TRPC4: variants seen among roughly 807,000 people sequenced by gnomAD.
The protein encoded by TRPC4 is short transient receptor potential channel 4.
Under a neutral mutation model 99.4 loss-of-function variants are expected in TRPC4, and 49 were observed. That is an observed-to-expected ratio of 0.49 (90% CI 0.39 to 0.63). TRPC4 has a LOEUF of 0.63. TRPC4 is among the 20% of genes least tolerant of loss of function. The pLI is 0.00. For synonymous variants in TRPC4, 454 were observed against 425.9 expected, an observed-to-expected ratio of 1.07 and a Z score of -0.81; for missense variants, 898 against 1,152.9, an observed-to-expected ratio of 0.78 and a Z score of 3.20.
At position 37,783,013 on chromosome 13, in the gene TRPC4, T is replaced by G; in HGVS notation, c.321A>C (p.Glu107Asp). 3 of 1,609,100 alleles carry G rather than the reference T, an allele frequency of 1.9e-6. No homozygotes were observed. Among genetic ancestry groups the G allele is most frequent in the Non-Finnish European group, 2.5e-6 (3 of 1,177,810 alleles). The change falls in exon 2 of 11, where the codon GAA (glutamate) becomes GAC (aspartate). Residue 107 changes from glutamate (E) to aspartate (D), a missense_variant. By Grantham distance (45) the Glu-to-Asp change is conservative (BLOSUM62 2). Coordinates refer to ENST00000379705, the MANE Select transcript of TRPC4 (RefSeq NM_016179.4). ...ATAACAGCTCAACAGCTCCGACGAC[T>G]TCTTTTCTGATAGCATGTAATAGAG... ...GDALLHAIRKEVVGAVELLLN... is the reference protein window; with the variant it reads ...GDALLHAIRKDVVGAVELLLN...
intron 3 of TRPC4, among the ~76,000 whole-genome samples, chr13:37,714,483 C>T (rs1264795441): frequency 6.6e-6 from 1 of 152,214 alleles, no homozygotes; most frequent in Non-Finnish European, 1.5e-5. Flanking sequence ...AACACAACAT[C>T]TAAACTGATC....
At chr13:37,762,158 C>T (rs921360956) in intron 2 of TRPC4, among the ~76,000 whole-genome samples, 1 of 151,736 alleles carries the variant, frequency 6.6e-6, no homozygotes, top group Non-Finnish European at 1.5e-5. Flanking sequence ...CTTCACTTTT[C>T]TTTTTCAAAA....
At chr13:37,803,327 A>G (rs186165507) in intron 1 of TRPC4, among the ~76,000 whole-genome samples, 353 of 152,158 alleles carry the variant, frequency 2.3e-3, no homozygotes, top group African/African-American at 8.1e-3. Context: ...TGTGCTTGCT[A>G]CTACTGGAAT....
intron 1 of TRPC4, among the ~76,000 whole-genome samples, chr13:37,868,950 T>C (rs901652291): frequency 1.3e-5 from 2 of 152,130 alleles, no homozygotes; most frequent in Non-Finnish European, 2.9e-5. Context: ...TCCCAGTGAT[T>C]TAACCAAGTA....
chr13:37,807,415 A>C (rs1371814182), intron 1 of TRPC4, among the ~76,000 whole-genome samples: 2 of 152,112 alleles, frequency 1.3e-5, no homozygotes, highest in Non-Finnish European at 2.9e-5. Flanking sequence ...TCAGCAAAGT[A>C]ATAATAATAA....
In TRPC4 at chr13:37,635,430, A is replaced by G. The variant is rs554979375; in HGVS notation, c.*1473T>C. On this transcript the variant is annotated 3_prime_UTR_variant, in exon 11 of 11. Transcript: ENST00000379705. Reference sequence around the variant, plus strand: ...AGTACATAAATGTTAACAGGTGTATAGGAATAGAACAGAGGCTGGCATTGT... The same window carrying G: ...AGTACATAAATGTTAACAGGTGTATGGGAATAGAACAGAGGCTGGCATTGT... 3.3e-4 allele frequency among the ~76,000 whole-genome samples: 50 copies of G among 152,276 alleles called. No individual in the cohort carries two copies. The highest frequency in any genetic ancestry group is 1.2e-3 in the African/African-American group (48 of 41,572).
chr13:37,835,269 TTAC>T (rs1437052491), intron 1 of TRPC4, among the ~76,000 whole-genome samples: 1 of 152,112 alleles, frequency 6.6e-6, no homozygotes, highest in African/African-American at 2.4e-5. Flanking sequence ...CTTCAAAAAA[TTAC>T]TACTTCCTCC....
At chr13:37,830,941 A>G (rs1958405747) in intron 1 of TRPC4, among the ~76,000 whole-genome samples, 1 of 151,032 alleles carries the variant, frequency 6.6e-6, no homozygotes, top group African/African-American at 2.5e-5. Flanking sequence ...TAAAGTATAT[A>G]AACTAAAGTA....
rs769126154 is a variant in TRPC4 at position 37,639,290 on chromosome 13, C to T, written c.2089G>A (p.Ala697Thr). ...TGGTGATGTCTTCTCAAGTTATCAG[C>T]AGCTCGCCTCTGAAAAGGAAAAGGA... ...ESFGTIGRRA[A>T]DNLRRHHQYQ... Residue 697 changes from alanine (A) to threonine (T), a missense_variant, in exon 9 of 11, where the codon GCT becomes ACT. By Grantham distance (58) the Ala-to-Thr change is moderately conservative. Around this residue, in one of 3 missense-constraint regions of TRPC4, gnomAD observed 346 missense variants for 351.4 expected, o/e 0.98. Transcript: ENST00000379705. 67 of 1,613,640 alleles carry T rather than the reference C, an allele frequency of 4.2e-5. No individual in the cohort carries two copies. In the East Asian group the frequency reaches 6.2e-4, roughly 15 times the overall value.
chr13:37,869,133 T>C (rs1959986282), intron 1 of TRPC4, among the ~76,000 whole-genome samples: 1 of 152,114 alleles, frequency 6.6e-6, no homozygotes, highest in African/African-American at 2.4e-5. Flanking sequence ...TCTCCTTCCT[T>C]CGTTACCCTA....
At chr13:37,689,039 G>C (rs7321585) in intron 4 of TRPC4, among the ~76,000 whole-genome samples, 34,190 of 151,932 alleles carry the variant, frequency 0.23, 4,390 homozygotes, top group Admixed American at 0.31. Context: ...TACGCTTCTG[G>C]TTAAAGATTA....
intron 3 of TRPC4, among the ~76,000 whole-genome samples, chr13:37,736,590 T>G (rs1226969013): frequency 2.0e-5 from 3 of 152,098 alleles, no homozygotes; most frequent in Admixed American, 6.6e-5. Context: ...ACAATGTAAG[T>G]TGTTTTGAAA....
intron 3 of TRPC4, among the ~76,000 whole-genome samples, chr13:37,730,999 C>T (rs917389802): frequency 5.3e-5 from 8 of 151,786 alleles, no homozygotes; most frequent in African/African-American, 1.9e-4. Flanking sequence ...AACTTACAAC[C>T]AGATGTCAAA....
rs1217401165 is a variant in TRPC4 at position 37,777,372 on chromosome 13, A to G, written c.378+5584T>C. 2.0e-5 allele frequency among the ~76,000 whole-genome samples: 3 copies of G among 152,032 alleles called. No individual in the cohort carries two copies. The East Asian group carries it at 5.9e-4, about 30-fold the overall frequency. ...CTTCACACGGCAGCGGGAGAGAGAA[A>G]GAGAGTGAAGGGGGAGCTACTACAC... On this transcript the variant is annotated intron_variant, in intron 2 of 10. Coordinates refer to ENST00000379705, the MANE Select transcript of TRPC4 (RefSeq NM_016179.4).
chr13:37,807,767 G>A (rs531388984), intron 1 of TRPC4, among the ~76,000 whole-genome samples: 1 of 152,152 alleles, frequency 6.6e-6, no homozygotes, highest in South Asian at 2.1e-4. Context: ...CAATTCTGAT[G>A]AAATAAATGA....
chr13:37,760,385 C>T (rs193069376), intron 2 of TRPC4, among the ~76,000 whole-genome samples: 98 of 151,998 alleles, frequency 6.4e-4, no homozygotes, highest in Non-Finnish European at 1.3e-3. Context: ...ATTTTTATAA[C>T]GTCCTTTTGT....
At position 37,635,665 on chromosome 13, in the gene TRPC4, C is replaced by T. The variant is rs1951494306; in HGVS notation, c.*1238G>A. On this transcript the variant is annotated 3_prime_UTR_variant, in exon 11 of 11. Coordinates refer to ENST00000379705, the MANE Select transcript of TRPC4 (RefSeq NM_016179.4). ...AACTTCCCGTAGTGGCTTAAATAGA[C>T]ACAAGCAATGTAAAATTTAAGCTTT... 6.6e-6 allele frequency among the ~76,000 whole-genome samples: 1 copy of T among 152,042 alleles called. No individual in the cohort carries two copies. The highest frequency in any genetic ancestry group is 2.1e-4 in the South Asian group (1 of 4,824).
intron 1 of TRPC4, among the ~76,000 whole-genome samples, chr13:37,862,427 T>A (rs1250923761): frequency 6.6e-6 from 1 of 151,576 alleles, no homozygotes; most frequent in Non-Finnish European, 1.5e-5. Flanking sequence ...TATTTAAATT[T>A]AACACGGATT....
At chr13:37,777,667 T>C (rs1333364904) in intron 2 of TRPC4, among the ~76,000 whole-genome samples, 44 of 152,012 alleles carry the variant, frequency 2.9e-4, no homozygotes, top group Admixed American at 2.8e-3. Flanking sequence ...GTGTTATTTG[T>C]ACATTTGTTT....
Sources: gnomAD v4.1 joint callset for allele counts (sites outside exome capture counted in the v4.1 genomes callset) on GRCh38, gnomAD v4.1.1 for gene constraint, gnomAD v4.1.1 regional missense constraint, MANE v1.5 for transcripts, NCBI Gene and HGNC (gene_info 2026-07-23, HGNC 2026-07-21) for gene names.